The following ARHGAP22 variants were observed in gnomAD, a reference collection of about 807,000 sequenced individuals.
ARHGAP22 encodes rho GTPase-activating protein 22.
Under a neutral mutation model 59.1 loss-of-function variants are expected in ARHGAP22, and 48 were observed. That is an observed-to-expected ratio of 0.81 (90% CI 0.64 to 1.03). The LOEUF (loss-of-function observed/expected upper bound fraction) is 1.03, where lower values mean the gene tolerates loss of function less well. Among genes scored for constraint, ARHGAP22 ranks in the 50% least tolerant of loss-of-function variants. ARHGAP22 has a pLI of 0.00. For synonymous variants in ARHGAP22, 445 were observed against 416.4 expected (o/e 1.07, Z -0.84); for missense variants, 1,015 against 958.7 (o/e 1.06, Z -0.78).
intron 3 of ARHGAP22, among the ~76,000 whole-genome samples, chr10:48,537,164 C>G (rs1268207680): frequency 6.6e-6 from 1 of 152,214 alleles, no homozygotes. Context: ...GAAAGAAATC[C>G]TTCTGGTTTC....
At chr10:48,621,660 A>G (rs1057329945) in intron 1 of ARHGAP22, among the ~76,000 whole-genome samples, 17 of 152,330 alleles carry the variant, frequency 1.1e-4, no homozygotes, top group African/African-American at 3.8e-4. Flanking sequence ...GCCTGTAGAA[A>G]AAAGGTTTAG....
At chr10:48,436,734 C>T in the ARHGAP22 span, 2 of 152,130 alleles carry the variant, frequency 1.3e-5, no homozygotes, top group Non-Finnish European at 2.9e-5. Context: ...TTTTTATATA[C>T]TTTGAAGTAG....
chr10:48,548,547 G>T (rs545051716), intron 3 of ARHGAP22, among the ~76,000 whole-genome samples: 110 of 152,272 alleles, frequency 7.2e-4, no homozygotes, highest in Admixed American at 1.5e-3. Flanking sequence ...AAACATGGCC[G>T]TTTTTTGGGG....
chr10:48,613,824 C>A (rs1477215982), intron 1 of ARHGAP22, among the ~76,000 whole-genome samples: 1 of 152,104 alleles, frequency 6.6e-6, no homozygotes, highest in South Asian at 2.1e-4. Context: ...AATTTAATTG[C>A]CATTTTGATG....
intron 2 of ARHGAP22, among the ~76,000 whole-genome samples, chr10:48,582,078 C>A (rs2059153016): frequency 6.6e-6 from 1 of 152,234 alleles, no homozygotes; most frequent in Non-Finnish European, 1.5e-5. Context: ...GCTCCCCCTT[C>A]ACCCCTTGCC....
chr10:48,579,498 A>G (rs1274669968), intron 2 of ARHGAP22, among the ~76,000 whole-genome samples: 1 of 152,236 alleles, frequency 6.6e-6, no homozygotes, highest in East Asian at 1.9e-4. Context: ...CTGCTGTGAC[A>G]TGCCTTTGCC....
At chr10:48,551,244 G>T (rs1232304371) in intron 3 of ARHGAP22, among the ~76,000 whole-genome samples, 7 of 152,204 alleles carry the variant, frequency 4.6e-5, no homozygotes, top group Non-Finnish European at 7.3e-5. Context: ...TCAAATCTCA[G>T]CTGACTTCCT....
At chr10:48,623,118 C>T (rs368734811) in intron 1 of ARHGAP22, among the ~76,000 whole-genome samples, 5 of 152,240 alleles carry the variant, frequency 3.3e-5, no homozygotes, top group African/African-American at 7.2e-5. Context: ...TGCCAGCCTG[C>T]GGACATAGCC....
chr10:48,626,943 G>A (rs752500427), intron 1 of ARHGAP22, among the ~76,000 whole-genome samples: 2 of 152,174 alleles, frequency 1.3e-5, no homozygotes, highest in South Asian at 4.1e-4. Context: ...TGACCTCCAG[G>A]AAGGAGAGAG....
chr10:48,606,104 G>A (rs1282002056), upstream of ARHGAP22, among the ~76,000 whole-genome samples: 2 of 152,144 alleles, frequency 1.3e-5, no homozygotes, highest in African/African-American at 4.8e-5. Context: ...AGAACTGTGT[G>A]ACCCTTTCAG....
intron 3 of ARHGAP22, among the ~76,000 whole-genome samples, chr10:48,532,330 C>T (rs1215747237): frequency 6.6e-6 from 1 of 151,966 alleles, no homozygotes; most frequent in African/African-American, 2.4e-5. Context: ...CGTCCCTGCC[C>T]CCACCCCCTT....
chr10:48,473,503 G>A (rs1487819251), intron 4 of ARHGAP22, among the ~76,000 whole-genome samples: 1 of 151,746 alleles, frequency 6.6e-6, no homozygotes, highest in African/African-American at 2.4e-5. Context: ...CTCAATAAGT[G>A]TTTAATGAAT....
chr10:48,558,044 A>G (rs577658224), intron 2 of ARHGAP22, among the ~76,000 whole-genome samples: 1 of 152,218 alleles, frequency 6.6e-6, no homozygotes, highest in African/African-American at 2.4e-5. Context: ...GTGGTGTTTA[A>G]CAATGGGGTC....
At chr10:48,643,896 C>T (rs1272741105) in intron 1 of ARHGAP22, among the ~76,000 whole-genome samples, 1 of 151,984 alleles carries the variant, frequency 6.6e-6, no homozygotes, top group African/African-American at 2.4e-5. Context: ...GCCTGTAATC[C>T]CAGCACTTGG....
chr10:48,608,352 T>G (rs1022873079), upstream of ARHGAP22, among the ~76,000 whole-genome samples: 7 of 152,168 alleles, frequency 4.6e-5, no homozygotes, highest in African/African-American at 1.7e-4. Flanking sequence ...AGGCTGAATT[T>G]GGGCTCCATT....
intron 3 of ARHGAP22, among the ~76,000 whole-genome samples, chr10:48,492,326 G>A (rs529393102): frequency 6.6e-6 from 1 of 152,078 alleles, no homozygotes; most frequent in South Asian, 2.1e-4. Context: ...TTTGTCACAG[G>A]GCCCACTGTC....
intron 1 of ARHGAP22, among the ~76,000 whole-genome samples, chr10:48,634,751 C>T (rs754216182): frequency 6.6e-6 from 1 of 152,130 alleles, no homozygotes; most frequent in Non-Finnish European, 1.5e-5. Context: ...AGCCTAACCC[C>T]CACCGCCCCA....
intron 3 of ARHGAP22, among the ~76,000 whole-genome samples, chr10:48,528,356 C>A (rs909509227): frequency 1.7e-4 from 26 of 152,306 alleles, no homozygotes; most frequent in African/African-American, 6.3e-4. Flanking sequence ...ACAAGCATAG[C>A]TTAGGGAGCC....
At chr10:48,576,911 A>ACCCCCC (rs1588902410) in intron 2 of ARHGAP22, among the ~76,000 whole-genome samples, 1 of 140,328 alleles carries the variant, frequency 7.1e-6, no homozygotes, top group Non-Finnish European at 1.5e-5. Flanking sequence ...ATCCCTCCCC[A>ACCCCCC]CACCGCCACC....
Sources: allele counts gnomAD v4.1 joint callset (sites outside exome capture counted in the v4.1 genomes callset), GRCh38; gene constraint gnomAD v4.1.1; transcripts MANE v1.5; gene names NCBI Gene and HGNC (gene_info 2026-07-23, HGNC 2026-07-21).